The following GRIP1 variants were observed in gnomAD, a reference collection of about 807,000 sequenced individuals.
GRIP1 encodes the protein glutamate receptor-interacting protein 1.
A neutral mutation model predicts 129.9 loss-of-function variants in GRIP1; 45 were observed. The observed-to-expected ratio is 0.35, with a 90% CI of 0.27 to 0.44. The LOEUF (loss-of-function observed/expected upper bound fraction) is 0.44. GRIP1 is among the 20% of genes least tolerant of loss of function. GRIP1 has a pLI of 1.00. For synonymous variants in GRIP1, 530 were observed against 520.8 expected, an observed-to-expected ratio of 1.02 and a Z score of -0.24; for missense variants, 1,196 against 1,396.8, an observed-to-expected ratio of 0.86 and a Z score of 2.29.
At chr12:66,573,931 T>A (rs945069491) in intron 2 of GRIP1, among the ~76,000 whole-genome samples, 1 of 152,174 alleles carries the variant, frequency 6.6e-6, no homozygotes, top group African/African-American at 2.4e-5. Flanking sequence ...GCCTATGAGT[T>A]CTAGTTCTGC....
At chr12:66,414,022 C>T (rs1461218827) in intron 15 of GRIP1, among the ~76,000 whole-genome samples, 1 of 152,084 alleles carries the variant, frequency 6.6e-6, no homozygotes, top group Non-Finnish European at 1.5e-5. Flanking sequence ...GAAGCATTCA[C>T]CTTGAAAACT....
At chr12:66,714,684 G>A (rs562315419) in intron 1 of GRIP1, among the ~76,000 whole-genome samples, 8 of 152,066 alleles carry the variant, frequency 5.3e-5, no homozygotes, top group Non-Finnish European at 8.8e-5. Flanking sequence ...AGAAAATTAT[G>A]TGTCATTGTC....
In GRIP1 at chr12:66,730,701, C is replaced by CAAAA. The variant is rs3051132; in HGVS notation, c.-420+73348_-420+73351dup. 1.2e-3 allele frequency among the ~76,000 whole-genome samples: 83 copies of CAAAA among 71,122 alleles called. 2 individuals carry two copies. The highest frequency in any genetic ancestry group is 2.4e-3 in the African/African-American group (40 of 16,798). 46.7% of individuals were successfully genotyped at this position (71,122 alleles called of 152,430 possible). ...AATAAGATACCAAGAGGGTCATCTA[C>CAAAA]AAAAAAAAAAAAAAAAAAAACTCAT... is the stretch of plus-strand genomic sequence containing the variant. On this transcript the variant is annotated intron_variant, in intron 1 of 4. Coordinates refer to the GRIP1 transcript ENST00000538373.
chr12:67,035,417 A>T (rs536950325), intron 1 of GRIP1: 2 of 152,340 alleles, frequency 1.3e-5, no homozygotes, highest in South Asian at 4.1e-4. Context: ...ACAATGAAAC[A>T]GCCAGCTGTT....
Position 66,736,346 on chromosome 12 carries a change from A to ATTTTTTTTTTTTT in GRIP1, c.-420+67694_-420+67706dup, listed in dbSNP as rs547706592. Among the ~76,000 whole-genome samples, 30 of 67,016 alleles carry ATTTTTTTTTTTTT rather than the reference A, an allele frequency of 4.5e-4. 4 individuals carry two copies. Among genetic ancestry groups the ATTTTTTTTTTTTT allele is most frequent in the Non-Finnish European group, 6.9e-4 (25 of 36,456 alleles). The allele number at this position is 67,016 out of a possible 152,430, so 44.0% of individuals were successfully genotyped here. A position where few individuals can be genotyped will look rare whatever the true frequency, so the allele number is the denominator to read the frequency against. On this transcript the variant is annotated intron_variant, in intron 1 of 4. Coordinates refer to the GRIP1 transcript ENST00000538373. Reference sequence around the variant, plus strand: ...AGGTGTGCACCACCGTGCCTGGCTAATTTTTTTTTTTTTTTTTTTTTTTTT... The same window carrying ATTTTTTTTTTTTT: ...AGGTGTGCACCACCGTGCCTGGCTAATTTTTTTTTTTTTTTTTTTTTTTTTTTTTTTTTTTTTT...
At chr12:66,810,425 G>A (rs2039080992) in intron 1 of GRIP1, among the ~76,000 whole-genome samples, 1 of 152,124 alleles carries the variant, frequency 6.6e-6, no homozygotes, top group African/African-American at 2.4e-5. Flanking sequence ...AGGTGTGGTG[G>A]TGCGTGCCTG....
chr12:66,557,046 T>TA (rs59179644), intron 2 of GRIP1, among the ~76,000 whole-genome samples: 4,294 of 150,478 alleles, frequency 0.029, 215 homozygotes, highest in African/African-American at 0.1. Context: ...GCTGAATGGA[T>TA]AAAAAAAAAG....
rs553152594 is a variant in GRIP1, at chr12:66,937,912, C to T, written c.58+131138G>A. ...ATTGCAGAGGAAACATGATTTAAAC[C>T]AGGTGTCCAATATAGTAACAATTAG... On this transcript the variant is annotated intron_variant, in intron 1 of 1. Coordinates refer to the GRIP1 transcript ENST00000643019. Among the ~76,000 whole-genome samples the T allele has an allele frequency of 5.3e-5, 8 of 152,192 alleles. No individual in the cohort carries two copies. The East Asian group carries it at 1.5e-3, about 29-fold the overall frequency.
chr12:66,553,778 G>A (rs1347485568), intron 2 of GRIP1, among the ~76,000 whole-genome samples: 2 of 152,026 alleles, frequency 1.3e-5, no homozygotes, highest in East Asian at 3.9e-4. Context: ...TTGGGACTTT[G>A]CATTGGAACT....
intron 1 of GRIP1, among the ~76,000 whole-genome samples, chr12:66,661,064 T>A (rs975933260): frequency 2.6e-5 from 4 of 152,038 alleles, no homozygotes; most frequent in Admixed American, 2.0e-4. Context: ...AATATACAGA[T>A]AAATAATGGC....
chr12:66,867,793 C>T (rs1334684959), intron 1 of GRIP1, among the ~76,000 whole-genome samples: 2 of 152,134 alleles, frequency 1.3e-5, no homozygotes, highest in East Asian at 3.9e-4. Flanking sequence ...GATAAAGATA[C>T]TTCACAACTT....
intron 1 of GRIP1, among the ~76,000 whole-genome samples, chr12:66,779,008 A>G (rs928097806): frequency 1.3e-5 from 2 of 152,230 alleles, no homozygotes; most frequent in African/African-American, 2.4e-5. Flanking sequence ...TTAGCTGGCC[A>G]CATAGCTTTG....
At chr12:66,610,580 A>G (rs2064751067) in intron 1 of GRIP1, among the ~76,000 whole-genome samples, 1 of 152,074 alleles carries the variant, frequency 6.6e-6, no homozygotes, top group South Asian at 2.1e-4. Context: ...AATTTCAGAA[A>G]ATGTATGCTA....
chr12:66,759,599 C>A (rs554283490), intron 1 of GRIP1, among the ~76,000 whole-genome samples: 2 of 152,252 alleles, frequency 1.3e-5, no homozygotes, highest in African/African-American at 4.8e-5. Context: ...GCTCTGCTTC[C>A]CTTTTAAAAT....
intron 24 of GRIP1, among the ~76,000 whole-genome samples, chr12:66,350,724 A>G (rs765892408): frequency 1.3e-5 from 2 of 152,130 alleles, no homozygotes; most frequent in Non-Finnish European, 2.9e-5. Flanking sequence ...TTAAAGACTC[A>G]TTAGTTCTGA....
chr12:66,714,682 ATG>A (rs2035814617), intron 1 of GRIP1, among the ~76,000 whole-genome samples: 3 of 152,170 alleles, frequency 2.0e-5, no homozygotes, highest in Middle Eastern at 6.8e-3. Flanking sequence ...CAAGAAAATT[ATG>A]TGTCATTGTC....
At position 66,651,749 on chromosome 12, in the gene GRIP1, G is replaced by A. The variant is rs557727931; in HGVS notation, c.55+27101C>T. Among the ~76,000 whole-genome samples the A allele has an allele frequency of 1.6e-3, 251 of 152,152 alleles. 1 individual carries two copies. Among genetic ancestry groups the A allele is most frequent in the African/African-American group, 5.8e-3 (242 of 41,514 alleles). On this transcript the variant is annotated intron_variant, in intron 1 of 24. Transcript: ENST00000359742. ...CATTTGCTTGGGGAAAATCTCTATG[G>A]ACCTAACTTTGAGGAGGAGGGAGGG... is the stretch of plus-strand genomic sequence containing the variant.
At chr12:66,419,684 G>C (rs1259541045) in intron 15 of GRIP1, among the ~76,000 whole-genome samples, 1 of 152,244 alleles carries the variant, frequency 6.6e-6, no homozygotes, top group African/African-American at 2.4e-5. Flanking sequence ...ACTGTTATGA[G>C]AGAGAAACTT....
intron 1 of GRIP1, among the ~76,000 whole-genome samples, chr12:66,994,120 G>C (rs1297776848): frequency 6.7e-6 from 1 of 150,310 alleles, no homozygotes; most frequent in Non-Finnish European, 1.5e-5. Flanking sequence ...CTTTCACAAA[G>C]AATAGCAAAG....
Sources: allele counts gnomAD v4.1 joint callset (sites outside exome capture counted in the v4.1 genomes callset), GRCh38; gene constraint gnomAD v4.1.1; transcripts MANE v1.5; gene names NCBI Gene and HGNC (gene_info 2026-07-23, HGNC 2026-07-21).